The following ASXL3 variants were observed in gnomAD, a reference collection of about 807,000 sequenced individuals.
The protein encoded by ASXL3 is putative Polycomb group protein ASXL3.
Under a neutral mutation model 170.6 loss-of-function variants are expected in ASXL3, and 34 were observed. The observed-to-expected ratio is 0.20, with a 90% CI of 0.15 to 0.27. The LOEUF is 0.27. Ranked by LOEUF, ASXL3 falls within the 10% of genes least tolerant of loss-of-function variation. The pLI, the probability that ASXL3 is intolerant of heterozygous loss-of-function variation, is 1.00. For synonymous variants in ASXL3, 1,002 were observed against 989.1 expected, an observed-to-expected ratio of 1.01 and a Z score of -0.24; for missense variants, 2,592 against 2,695.3, an observed-to-expected ratio of 0.96 and a Z score of 0.85.
chr18:33,699,330 A>T (rs1279460515), intron 8 of ASXL3, among the ~76,000 whole-genome samples: 1 of 152,200 alleles, frequency 6.6e-6, no homozygotes, highest in South Asian at 2.1e-4. Flanking sequence ...CCAAATACAC[A>T]TCATCAATAA....
intron 8 of ASXL3, among the ~76,000 whole-genome samples, chr18:33,704,160 T>A (rs901285897): frequency 6.6e-6 from 1 of 152,174 alleles, no homozygotes; most frequent in African/African-American, 2.4e-5. Context: ...AATTATTTTT[T>A]AATGAAATTC....
In ASXL3 at chr18:33,677,477, T is replaced by C. The variant is rs1052573529; in HGVS notation, c.715+5611T>C. ...AAAATTGTTAAATATTGCCACAAGA[T>C]ATATTTATATCTAAAAGTTTTCTCC... On this transcript the variant is annotated intron_variant, in intron 7 of 11. Coordinates refer to ENST00000269197, the MANE Select transcript of ASXL3 (RefSeq NM_030632.3). 5.9e-5 allele frequency among the ~76,000 whole-genome samples: 9 copies of C among 152,250 alleles called. No individual in the cohort carries two copies. The East Asian group carries it at 1.5e-3, about 26-fold the overall frequency.
chr18:33,612,811 C>T (rs187408435), intron 2 of ASXL3, among the ~76,000 whole-genome samples: 20 of 152,148 alleles, frequency 1.3e-4, no homozygotes, highest in Middle Eastern at 3.4e-3. Flanking sequence ...AAGAAATAAA[C>T]GCAAGTAATT....
At chr18:33,658,553 C>G (rs1247545455) in intron 4 of ASXL3, among the ~76,000 whole-genome samples, 2 of 152,072 alleles carry the variant, frequency 1.3e-5, no homozygotes, top group African/African-American at 2.4e-5. Context: ...CAAATATGTC[C>G]TACCCATTTT....
Position 33,740,418 on chromosome 18 carries a change from A to G in ASXL3, c.3014A>G (p.Glu1005Gly). ...CCTGAGAAAGAACAGCCTCCCAGAG[A>G]GGAACCAAGGGTTCCCCCTCTCAAG... is the stretch of plus-strand genomic sequence containing the variant. ...SPPEKEQPPR[E>G]EPRVPPLKIQ... The change falls in exon 11 of 12, where the codon GAG (glutamate) becomes GGG (glycine). Residue 1005 changes from glutamate to glycine, a missense_variant. This residue lies in a region of ASXL3 where 2,246 missense variants were observed against 2,219.6 expected (regional missense o/e 1.01). Transcript: ENST00000269197. 1 of 1,587,398 alleles carries G rather than the reference A, an allele frequency of 6.3e-7. No homozygotes were observed. The highest frequency in any genetic ancestry group is 8.5e-7 in the Non-Finnish European group (1 of 1,171,022).
intron 2 of ASXL3, chr18:33,616,813 A>G (rs1355324828): frequency 6.6e-6 from 1 of 152,136 alleles, no homozygotes; most frequent in Admixed American, 6.6e-5. Context: ...GCGCAGAGAC[A>G]CAGCAAGCTG....
At position 33,671,107 on chromosome 18, in the gene ASXL3, G is replaced by A. The variant is rs1011429285; in HGVS notation, c.595+317G>A. 2.6e-5 allele frequency among the ~76,000 whole-genome samples: 4 copies of A among 152,072 alleles called. No individual in the cohort carries two copies. The East Asian group carries it at 7.7e-4, about 29-fold the overall frequency. On this transcript the variant is annotated intron_variant, in intron 6 of 11. Transcript: ENST00000269197. ...TTTGTTTGAATGTTGAACTTTAAGG[G>A]TGGACCACATGCTGATGTATAATAC...
At chr18:33,662,187 T>A (rs1211158763) in intron 5 of ASXL3, among the ~76,000 whole-genome samples, 1 of 152,208 alleles carries the variant, frequency 6.6e-6, no homozygotes. Flanking sequence ...TCTGGAATAT[T>A]CATTTATGAG....
intron 5 of ASXL3, among the ~76,000 whole-genome samples, chr18:33,668,427 C>CAAAAAAAAAAAA (rs11288492): frequency 1.7e-5 from 2 of 115,932 alleles, no homozygotes; most frequent in African/African-American, 3.1e-5. Context: ...GACTCCATCT[C>CAAAAAAAAAAAA]AAAAAAAAAA....
chr18:33,590,111 G>GTTTTTTTTGTTTTTT (rs2065064587), intron 1 of ASXL3, among the ~76,000 whole-genome samples: 1 of 83,184 alleles, frequency 1.2e-5, no homozygotes, highest in African/African-American at 6.9e-5. Flanking sequence ...TGCTTTCTAT[G>GTTTTTTTTGTTTTTT]TTTTTTTTTT....
At chr18:33,732,899 A>G (rs549295720) in intron 9 of ASXL3, among the ~76,000 whole-genome samples, 1 of 151,376 alleles carries the variant, frequency 6.6e-6, no homozygotes, top group East Asian at 1.9e-4. Context: ...GCAAATTCCA[A>G]TTTTCTGTTC....
chr18:33,641,502 G>A (rs1370441947), intron 2 of ASXL3, among the ~76,000 whole-genome samples: 2 of 152,056 alleles, frequency 1.3e-5, no homozygotes, highest in Non-Finnish European at 2.9e-5. Context: ...GGGACAAATA[G>A]TGTCCTGCTT....
intron 4 of ASXL3, 84 bp from the exon 5 acceptor site, chr18:33,661,532 G>T: frequency 7.5e-7 from 1 of 1,335,176 alleles, no homozygotes; most frequent in Non-Finnish European, 1.0e-6. Flanking sequence ...ATTTTCAATT[G>T]CAGAAAAGCT....
intron 1 of ASXL3, among the ~76,000 whole-genome samples, chr18:33,582,788 C>A (rs955407331): frequency 2.0e-5 from 3 of 150,538 alleles, no homozygotes; most frequent in Non-Finnish European, 4.4e-5. Context: ...TTTTTAATGA[C>A]AAATTCACCT....
intron 1 of ASXL3, among the ~76,000 whole-genome samples, chr18:33,600,004 T>C (rs2065167132): frequency 6.6e-6 from 1 of 152,188 alleles, no homozygotes; most frequent in African/African-American, 2.4e-5. Context: ...TCTATTTGGA[T>C]CAAGCTACAG....
At chr18:33,605,003 T>C (rs972231023) in intron 1 of ASXL3, among the ~76,000 whole-genome samples, 1 of 152,026 alleles carries the variant, frequency 6.6e-6, no homozygotes, top group Non-Finnish European at 1.5e-5. Flanking sequence ...TTGCATGCTC[T>C]CTGGATAAAA....
chr18:33,731,990 G>A lies in ASXL3; in HGVS notation c.902G>A (p.Arg301His), dbSNP rs768502867. 23 of 1,611,862 alleles carry A rather than the reference G, an allele frequency of 1.4e-5. No homozygotes were observed. Among genetic ancestry groups the A allele is most frequent in the African/African-American group, 8.0e-5 (6 of 74,734 alleles). ...TAGATGGGAAGTGATGGAATTTTAC[G>A]CCTCAGTACTTCAGCTCTAAATAAT... ...DRQMGSDGIL[R>H]LSTSALNNEF... Residue 301 changes from arginine (R) to histidine (H), a missense_variant, in exon 9 of 12, where the codon CGC (arginine) becomes CAC (histidine). Transcript: ENST00000269197.
At position 33,670,783 on chromosome 18, in the gene ASXL3, G is replaced by C. The variant is rs755997232; in HGVS notation, c.588G>C (p.Ser196=). ...AGGTGTCTGATGAGCAGTCGGATTC[G>C]CCTTCAGGTAAAGAGCTGAAATATC... The part of the protein sequence containing the change: ...PLKVSDEQSD[S]PSGSESKNGE... Residue 196 remains serine (S), a synonymous_variant, in exon 6 of 12, where the codon TCG becomes TCC. Coordinates refer to ENST00000269197, the MANE Select transcript of ASXL3 (RefSeq NM_030632.3). 285 of 1,540,222 alleles carry C rather than the reference G, an allele frequency of 1.9e-4. No individual in the cohort carries two copies. Among genetic ancestry groups the C allele is most frequent in the South Asian group, 1.5e-4 (12 of 81,224 alleles).
chr18:33,596,607 A>G (rs2065129464), intron 1 of ASXL3, among the ~76,000 whole-genome samples: 1 of 152,146 alleles, frequency 6.6e-6, no homozygotes, highest in Non-Finnish European at 1.5e-5. Context: ...GTCATTTCAG[A>G]CTAGTTTGTG....
Sources: allele counts gnomAD v4.1 joint callset (sites outside exome capture counted in the v4.1 genomes callset), GRCh38; gene constraint gnomAD v4.1.1; regional missense constraint gnomAD v4.1.1; transcripts MANE v1.5; gene names NCBI Gene and HGNC (gene_info 2026-07-23, HGNC 2026-07-21).